The following SPRR4 variants were observed in gnomAD, a reference collection of about 807,000 sequenced individuals.
The protein encoded by SPRR4 is small proline rich protein 4.
For missense variants in SPRR4, 106 were observed against 91.6 expected, an observed-to-expected ratio of 1.16 and a Z score of -0.64; for synonymous variants, 30 against 34.3, an observed-to-expected ratio of 0.87 and a Z score of 0.44.
chr1:152,969,467 C>T (rs1281997504), upstream of SPRR4, among the ~76,000 whole-genome samples: 1 of 152,206 alleles, frequency 6.6e-6, no homozygotes, highest in Non-Finnish European at 1.5e-5. Context: ...CCTACCCCTT[C>T]CTCTGGTGAT....
chr1:152,972,421 T>A lies in SPRR4; in HGVS notation c.*291T>A. ...GCTAAGGCCCATCCATTTCCCAAAG[T>A]GAGGAAAGTGTCTGGGCTTCTTCTG... On this transcript the variant is annotated 3_prime_UTR_variant, in exon 2 of 2. Coordinates refer to ENST00000328051, the MANE Select transcript of SPRR4 (RefSeq NM_173080.3). 2.3e-6 allele frequency: 1 copy of A among 433,278 alleles called. No individual in the cohort carries two copies. The highest frequency in any genetic ancestry group is 4.4e-6 in the Non-Finnish European group (1 of 229,840). 26.8% of individuals were successfully genotyped at this position (433,278 alleles called of 1,614,324 possible). A position where few individuals can be genotyped will look rare whatever the true frequency, so the allele number is the denominator to read the frequency against.
In SPRR4 at chr1:152,972,389, G is replaced by A; in HGVS notation, c.*259G>A. On this transcript the variant is annotated 3_prime_UTR_variant, in exon 2 of 2. Transcript: ENST00000328051. ...CCTCATTCTCTGCAGGCTCCAGCGT[G>A]GCCACAGCTAAGGCCCATCCATTTC... The A allele has an allele frequency of 1.8e-6, 1 of 551,232 alleles. No homozygotes were observed. The highest frequency in any genetic ancestry group is 3.3e-6 in the Non-Finnish European group (1 of 304,516). The allele number at this position is 551,232 out of a possible 1,614,324, so 34.1% of individuals were successfully genotyped here.
chr1:152,971,578 TCACACA>T (rs57593504), intron 1 of SPRR4, among the ~76,000 whole-genome samples: 2,540 of 144,014 alleles, frequency 0.018, 36 homozygotes, highest in African/African-American at 0.037. Flanking sequence ...GCCCGATCTC[TCACACA>T]CACACACACA....
At chr1:152,970,482 A>G (rs1019171093), upstream of SPRR4, among the ~76,000 whole-genome samples, 3 of 152,198 alleles carry the variant, frequency 2.0e-5, no homozygotes, top group Non-Finnish European at 1.5e-5. Flanking sequence ...CTGAAAATAT[A>G]TGGTGGGTGG....
intron 1 of SPRR4, among the ~76,000 whole-genome samples, chr1:152,970,980 T>A (rs1651826902): frequency 6.6e-6 from 1 of 152,226 alleles, no homozygotes; most frequent in Non-Finnish European, 1.5e-5. Flanking sequence ...CAGGATTTTG[T>A]AGCAATTCCG....
upstream of SPRR4, among the ~76,000 whole-genome samples, chr1:152,969,025 C>T (rs1296358343): frequency 6.6e-6 from 1 of 152,134 alleles, no homozygotes; most frequent in African/African-American, 2.4e-5. Context: ...GAATGCAGAA[C>T]CAGAATCTGG....
At position 152,971,898 on chromosome 1, in the gene SPRR4, C is replaced by T; in HGVS notation, c.8C>T (p.Ser3Phe). 1.2e-6 allele frequency: 2 copies of T among 1,613,852 alleles called. No homozygotes were observed. The highest frequency in any genetic ancestry group is 1.7e-6 in the Non-Finnish European group (2 of 1,180,018). The change falls in exon 2 of 2, where the codon TCC becomes TTC. Residue 3 changes from serine to phenylalanine, a missense_variant. Transcript: ENST00000328051. MS[S>F]QQQQRQQQQC... is the part of the protein sequence containing the mutation. Reference sequence around the variant, plus strand: ...TCACCTGTTCCTAGAGCAATGTCTTCCCAGCAGCAGCAGCGGCAGCAGCAG... The same window carrying T: ...TCACCTGTTCCTAGAGCAATGTCTTTCCAGCAGCAGCAGCGGCAGCAGCAG...
In SPRR4 at chr1:152,971,857, C is replaced by T; in HGVS notation, c.-20-14C>T. 6.2e-7 allele frequency: 1 copy of T among 1,611,866 alleles called. No homozygotes were observed. The highest frequency in any genetic ancestry group is 1.1e-5 in the South Asian group (1 of 90,996). On this transcript the variant is annotated splice_polypyrimidine_tract_variant and intron_variant, in intron 1 of 1. Coordinates refer to ENST00000328051, the MANE Select transcript of SPRR4 (RefSeq NM_173080.3). Reference sequence around the variant, plus strand: ...AACACCCTTCTCATGGTGTCCCTGCCCGGTTTCCTTTAGGCTCACCTGTTC... The same window carrying T: ...AACACCCTTCTCATGGTGTCCCTGCTCGGTTTCCTTTAGGCTCACCTGTTC...
chr1:152,969,319 G>T (rs1456323085), upstream of SPRR4, among the ~76,000 whole-genome samples: 35 of 152,226 alleles, frequency 2.3e-4, no homozygotes, highest in Admixed American at 2.2e-3. Context: ...GCTGCATGTG[G>T]TTGAGCAGGT....
chr1:152,972,187 T>C lies in SPRR4; in HGVS notation c.*57T>C. 2 of 1,605,320 alleles carry C rather than the reference T, an allele frequency of 1.2e-6. No individual in the cohort carries two copies. The highest frequency in any genetic ancestry group is 1.7e-6 in the Non-Finnish European group (2 of 1,174,936). On this transcript the variant is annotated 3_prime_UTR_variant, in exon 2 of 2. Coordinates refer to ENST00000328051, the MANE Select transcript of SPRR4 (RefSeq NM_173080.3). ...CCTGGCTACCAGATGGAACCTTCTC[T>C]TCTTCCTTCTCCTCTTCCCTCCAGC...
In SPRR4 at chr1:152,972,176, G is replaced by A. The variant is rs751653597; in HGVS notation, c.*46G>A. ...TCATCCACCATCCTGGCTACCAGAT[G>A]GAACCTTCTCTTCTTCCTTCTCCTC... On this transcript the variant is annotated 3_prime_UTR_variant, in exon 2 of 2. Transcript: ENST00000328051. The A allele has an allele frequency of 1.9e-6, 3 of 1,610,968 alleles. No homozygotes were observed. Among genetic ancestry groups the A allele is most frequent in the East Asian group, 2.2e-5 (1 of 44,816 alleles).
upstream of SPRR4, among the ~76,000 whole-genome samples, chr1:152,969,103 A>T (rs553835035): frequency 1.7e-4 from 26 of 152,232 alleles, no homozygotes; most frequent in African/African-American, 6.0e-4. Context: ...TCTGGCCTGG[A>T]GGGGAAAATT....
At position 152,972,315 on chromosome 1, in the gene SPRR4, C is replaced by G. The variant is rs1232819825; in HGVS notation, c.*185C>G. 5 of 984,944 alleles carry G rather than the reference C, an allele frequency of 5.1e-6. No homozygotes were observed. In the African/African-American group the frequency reaches 8.3e-5, roughly 16 times the overall value. The allele number at this position is 984,944 out of a possible 1,614,324, so 61.0% of individuals were successfully genotyped here. A position where few individuals can be genotyped will look rare whatever the true frequency, so the allele number is the denominator to read the frequency against. Reference sequence around the variant, plus strand: ...CCCTTCCCCACACATACCACCTTGGCTTCTTCTATATCCCACCCCGATGCT... The same window carrying G: ...CCCTTCCCCACACATACCACCTTGGGTTCTTCTATATCCCACCCCGATGCT... On this transcript the variant is annotated 3_prime_UTR_variant, in exon 2 of 2. Coordinates refer to ENST00000328051, the MANE Select transcript of SPRR4 (RefSeq NM_173080.3).
chr1:152,971,760 C>T (rs914566628), intron 1 of SPRR4, 111 bp from the exon 2 acceptor site: 27 of 1,400,680 alleles, frequency 1.9e-5, no homozygotes, highest in Non-Finnish European at 2.6e-5. Context: ...AGATGGCATG[C>T]TTTGACCTTG....
upstream of SPRR4, among the ~76,000 whole-genome samples, chr1:152,969,617 C>G (rs1442651183): frequency 2.0e-5 from 3 of 152,052 alleles, no homozygotes; most frequent in Non-Finnish European, 1.5e-5. Flanking sequence ...AATGGAGGAC[C>G]AGGGCTCCTT....
chr1:152,971,806 A>C, intron 1 of SPRR4, 65 bp from the exon 2 acceptor site: 1 of 1,554,378 alleles, frequency 6.4e-7, no homozygotes, highest in Non-Finnish European at 8.7e-7. Flanking sequence ...CATCTTTTTA[A>C]AAAGGGTGTT....
Position 152,971,980 on chromosome 1 carries a change from C to A in SPRR4, c.90C>A (p.Pro30=). 6.2e-7 allele frequency: 1 copy of A among 1,614,012 alleles called. No individual in the cohort carries two copies. Among genetic ancestry groups the A allele is most frequent in the Non-Finnish European group, 8.5e-7 (1 of 1,180,002 alleles). ...QQQVKQPCQP[P]PVKCQETCAP... ...AAGTGAAGCAGCCTTGTCAGCCACC[C>A]CCTGTTAAATGTCAAGAGACATGTG... is the stretch of plus-strand genomic sequence containing the variant. The change falls in exon 2 of 2, where the codon CCC becomes CCA. Residue 30 remains proline, a synonymous_variant. Transcript: ENST00000328051.
upstream of SPRR4, among the ~76,000 whole-genome samples, chr1:152,969,084 TG>T (rs1198348148): frequency 1.3e-5 from 2 of 151,936 alleles, no homozygotes; most frequent in Non-Finnish European, 2.9e-5. Flanking sequence ...GAAGAGGAAG[TG>T]GGGGAGGTCT....
chr1:152,972,300 C>T lies in SPRR4; in HGVS notation c.*170C>T. The T allele has an allele frequency of 8.9e-7, 1 of 1,121,698 alleles. No homozygotes were observed. Among genetic ancestry groups the T allele is most frequent in the Non-Finnish European group, 1.3e-6 (1 of 794,030 alleles). The allele number at this position is 1,121,698 out of a possible 1,614,324, so 69.5% of individuals were successfully genotyped here. ...TTTCTTCCCATCGTACCCTTCCCCA[C>T]ACATACCACCTTGGCTTCTTCTATA... On this transcript the variant is annotated 3_prime_UTR_variant, in exon 2 of 2. Transcript: ENST00000328051.
Sources: gnomAD v4.1 joint callset for allele counts (sites outside exome capture counted in the v4.1 genomes callset) on GRCh38, gnomAD v4.1.1 for gene constraint, MANE v1.5 for transcripts, NCBI Gene and HGNC (gene_info 2026-07-23, HGNC 2026-07-21) for gene names.